SLC36A1: variants seen among roughly 807,000 people sequenced by gnomAD.
SLC36A1 encodes solute carrier family 36 member 1.
Under a neutral mutation model 47.5 loss-of-function variants are expected in SLC36A1, and 30 were observed. The ratio of observed to expected loss-of-function variants is 0.63; its 90% CI spans 0.47 to 0.86. The LOEUF (loss-of-function observed/expected upper bound fraction) is 0.86. Ranked by LOEUF, SLC36A1 falls within the 40% of genes least tolerant of loss-of-function variation. The pLI, the probability that SLC36A1 is intolerant of heterozygous loss-of-function variation, is 0.00. For missense variants in SLC36A1, 517 were observed against 606.0 expected (o/e 0.85, Z 1.54); for synonymous variants, 255 against 249.7 (o/e 1.02, Z -0.20).
At chr5:151,514,998 T>G in the SLC36A1 span, among the ~76,000 whole-genome samples, 11 of 152,340 alleles carry the variant, frequency 7.2e-5, no homozygotes, top group South Asian at 2.3e-3. Flanking sequence ...TAAAAAAGGT[T>G]GTCTTCACCT....
chr5:151,429,636 T>C, the SLC36A1 span, among the ~76,000 whole-genome samples: 1 of 152,068 alleles, frequency 6.6e-6, no homozygotes, highest in Non-Finnish European at 1.5e-5. Context: ...GGCTCAGGAA[T>C]GGGGACAGCC....
At chr5:151,514,418 T>A in the SLC36A1 span, among the ~76,000 whole-genome samples, 2 of 152,210 alleles carry the variant, frequency 1.3e-5, no homozygotes. Flanking sequence ...CTTCACATAC[T>A]CTTGACCTAT....
the SLC36A1 span, among the ~76,000 whole-genome samples, chr5:151,400,829 G>T: frequency 2.6e-4 from 40 of 152,212 alleles, no homozygotes; most frequent in Non-Finnish European, 5.3e-4. Flanking sequence ...CTTTTGAGAA[G>T]TGTCTGTTCA....
At chr5:151,438,882 C>CT (rs1197097173) in intron 1 of SLC36A1, among the ~76,000 whole-genome samples, 1 of 151,972 alleles carries the variant, frequency 6.6e-6, no homozygotes, top group African/African-American at 2.4e-5. Flanking sequence ...CATTTTTTTT[C>CT]TTTAAACATA....
At chr5:151,350,116 TCACCACCAC>T in the SLC36A1 span, among the ~76,000 whole-genome samples, 2 of 150,698 alleles carry the variant, frequency 1.3e-5, no homozygotes, top group East Asian at 3.9e-4. Flanking sequence ...CACCCTATCC[TCACCACCAC>T]CACCACCACC....
At chr5:151,373,645 T>C in the SLC36A1 span, among the ~76,000 whole-genome samples, 15 of 152,166 alleles carry the variant, frequency 9.9e-5, no homozygotes, top group Non-Finnish European at 2.2e-4. Context: ...GAAGAAGAAA[T>C]ATTATTCCAG....
the SLC36A1 span, chr5:151,544,268 C>A: frequency 6.2e-7 from 1 of 1,614,174 alleles, no homozygotes; most frequent in Non-Finnish European, 8.5e-7. Flanking sequence ...GGGGTCTGAG[C>A]AGGCAAGCCT....
intron 1 of SLC36A1, among the ~76,000 whole-genome samples, chr5:151,457,030 G>A (rs1754633697): frequency 6.6e-6 from 1 of 152,198 alleles, no homozygotes; most frequent in African/African-American, 2.4e-5. Context: ...AGTCTGACGG[G>A]CAAGTAGCTG....
At chr5:151,485,974 G>A (rs1331114330) in intron 10 of SLC36A1, among the ~76,000 whole-genome samples, 1 of 152,224 alleles carries the variant, frequency 6.6e-6, no homozygotes, top group African/African-American at 2.4e-5. Context: ...TCCAGGGTAA[G>A]TGTGAGGCAG....
At chr5:151,435,422 T>C (rs1759710856), upstream of SLC36A1, among the ~76,000 whole-genome samples, 1 of 152,260 alleles carries the variant, frequency 6.6e-6, no homozygotes, top group South Asian at 2.1e-4. Context: ...GAAGAAGATC[T>C]GAGATGCAAA....
In SLC36A1 at chr5:151,454,948, C is replaced by T. The variant is rs113596807; in HGVS notation, c.-5-3840C>T. Reference sequence around the variant, plus strand: ...GTACCCCTCAAGTTGCTAGGTGGAACCTTCTCAGTGCTTTCAACCATTCCT... The same window carrying T: ...GTACCCCTCAAGTTGCTAGGTGGAATCTTCTCAGTGCTTTCAACCATTCCT... On this transcript the variant is annotated intron_variant, in intron 1 of 10. Transcript: ENST00000243389. Among the ~76,000 whole-genome samples, 9 of 152,164 alleles carry T rather than the reference C, an allele frequency of 5.9e-5. 1 individual carries two copies. Among genetic ancestry groups the T allele is most frequent in the African/African-American group, 2.2e-4 (9 of 41,504 alleles).
intron 1 of SLC36A1, among the ~76,000 whole-genome samples, chr5:151,454,047 G>GA (rs965926715): frequency 4.2e-5 from 6 of 142,278 alleles, no homozygotes; most frequent in Non-Finnish European, 7.6e-5. Context: ...GTTACATAAG[G>GA]AAAAAAAAGG....
chr5:151,543,067 G>C, the SLC36A1 span: 1 of 1,614,148 alleles, frequency 6.2e-7, no homozygotes, highest in Non-Finnish European at 8.5e-7. Flanking sequence ...TTTCGGTAAG[G>C]ATACTTTTTT....
the SLC36A1 span, among the ~76,000 whole-genome samples, chr5:151,392,205 A>C: frequency 6.6e-6 from 1 of 152,280 alleles, no homozygotes; most frequent in East Asian, 1.9e-4. Context: ...TGTTTATACT[A>C]TTCTCTGATG....
intron 1 of SLC36A1, chr5:151,452,303 C>T (rs1052767334): frequency 1.3e-5 from 2 of 152,220 alleles, no homozygotes; most frequent in African/African-American, 4.8e-5. Flanking sequence ...CTGTAGACCA[C>T]ACATAGCAAC....
the SLC36A1 span, among the ~76,000 whole-genome samples, chr5:151,549,660 C>T: frequency 2.6e-5 from 4 of 152,176 alleles, no homozygotes; most frequent in Non-Finnish European, 5.9e-5. Flanking sequence ...TCTATATGCT[C>T]TTTTTCTTCA....
At chr5:151,425,278 G>C in the SLC36A1 span, 58 of 152,474 alleles carry the variant, frequency 3.8e-4, no homozygotes, top group African/African-American at 1.4e-3. Context: ...GCCCCGCGCC[G>C]CTGTCAGGAC....
downstream of SLC36A1, among the ~76,000 whole-genome samples, chr5:151,494,496 T>C (rs1238074202): frequency 6.6e-6 from 1 of 152,234 alleles, no homozygotes. Context: ...ACTGCTAATC[T>C]GTTTTATCTG....
chr5:151,513,526 A>G, the SLC36A1 span, among the ~76,000 whole-genome samples: 1 of 152,202 alleles, frequency 6.6e-6, no homozygotes, highest in Non-Finnish European at 1.5e-5. Context: ...TCTCACTTAC[A>G]AGTGGGAACT....
Sources: allele counts gnomAD v4.1 joint callset (sites outside exome capture counted in the v4.1 genomes callset), GRCh38; gene constraint gnomAD v4.1.1; transcripts MANE v1.5; gene names NCBI Gene and HGNC (gene_info 2026-07-23, HGNC 2026-07-21).